PLAA: variants seen among roughly 807,000 people sequenced by gnomAD.
PLAA encodes phospholipase A-2-activating protein.
PLAA carries 48 observed loss-of-function variants against 84.1 expected under a neutral mutation model. The ratio of observed to expected loss-of-function variants is 0.57; its 90% confidence interval spans 0.45 to 0.73. The LOEUF (loss-of-function observed/expected upper bound fraction) is 0.73, where lower values mean the gene tolerates loss of function less well. Among genes scored for constraint, PLAA ranks in the 30% least tolerant of loss-of-function variants. The pLI, the probability that PLAA is intolerant of heterozygous loss-of-function variation, is 0.00. For missense variants in PLAA, 903 were observed against 954.7 expected, an observed-to-expected ratio of 0.95 and a Z score of 0.71; for synonymous variants, 392 against 336.6, an observed-to-expected ratio of 1.16 and a Z score of -1.80.
rs541403931 is a variant in PLAA at position 26,909,570 on chromosome 9, G to A, written c.1657+768C>T. On this transcript the variant is annotated intron_variant, in intron 12 of 13. Coordinates refer to ENST00000397292, the MANE Select transcript of PLAA (RefSeq NM_001031689.3). ...ACAAAACACTGTATTTTGTTTTGAG[G>A]AACACAAACAGAAAAAGCAATCAAA... Among the ~76,000 whole-genome samples the A allele has an allele frequency of 4.0e-5, 6 of 150,314 alleles. No individual in the cohort carries two copies. The South Asian group carries it at 1.3e-3, about 32-fold the overall frequency.
chr9:26,922,108 C>T (rs937008299), intron 7 of PLAA, among the ~76,000 whole-genome samples: 1 of 152,096 alleles, frequency 6.6e-6, no homozygotes, highest in South Asian at 2.1e-4. Context: ...CAAATGACTG[C>T]GCATGTTCTT....
chr9:26,930,658 C>T (rs1301204473), intron 2 of PLAA, among the ~76,000 whole-genome samples: 1 of 150,724 alleles, frequency 6.6e-6, no homozygotes, highest in Admixed American at 6.6e-5. Context: ...TCTTGGCTCA[C>T]TGCAACCTCC....
intron 1 of PLAA, 113 bp from the exon 2 acceptor site, chr9:26,935,319 A>G (rs1045425800): frequency 2.6e-4 from 152 of 578,262 alleles, no homozygotes; most frequent in Middle Eastern, 3.6e-4. Context: ...TAGAGTATAT[A>G]CTATCTTAAG....
intron 2 of PLAA, among the ~76,000 whole-genome samples, chr9:26,933,549 A>G (rs572794403): frequency 1.1e-4 from 16 of 152,020 alleles, no homozygotes; most frequent in Middle Eastern, 6.8e-3. Flanking sequence ...AGCAATATGG[A>G]AGGCCGAGGG....
chr9:26,915,470 T>C (rs1340459526), intron 10 of PLAA, among the ~76,000 whole-genome samples: 2 of 152,200 alleles, frequency 1.3e-5, no homozygotes, highest in Admixed American at 1.3e-4. Flanking sequence ...CTTTAAGTTG[T>C]AGCCAGATAG....
chr9:26,906,472 G>A lies in PLAA; in HGVS notation c.1823-396C>T, dbSNP rs563520388. 7.8e-5 allele frequency among the ~76,000 whole-genome samples: 11 copies of A among 141,346 alleles called. No homozygotes were observed. In the East Asian group the frequency reaches 2.4e-3, roughly 31 times the overall value. The allele number at this position is 141,346 out of a possible 152,430, so 92.7% of individuals were successfully genotyped here. A position where few individuals can be genotyped will look rare whatever the true frequency, so the allele number is the denominator to read the frequency against. On this transcript the variant is annotated intron_variant, in intron 13 of 13. Transcript: ENST00000397292. ...GAGACAGTTTCACTCCTGTTGCCCA[G>A]GCTGGATTGCAATGGCATGATCTCG...
chr9:26,938,008 C>T (rs901040111), intron 1 of PLAA, among the ~76,000 whole-genome samples: 2 of 152,030 alleles, frequency 1.3e-5, no homozygotes, highest in Non-Finnish European at 2.9e-5. Flanking sequence ...GGAAACATCC[C>T]AAATTTGATG....
intron 1 of PLAA, among the ~76,000 whole-genome samples, chr9:26,937,624 C>A (rs1172218313): frequency 6.6e-6 from 1 of 151,916 alleles, no homozygotes; most frequent in African/African-American, 2.4e-5. Context: ...TTTAAACATG[C>A]TCAAAGAACT....
chr9:26,914,483 G>C (rs932407014), intron 10 of PLAA, among the ~76,000 whole-genome samples: 1 of 151,900 alleles, frequency 6.6e-6, no homozygotes, highest in Non-Finnish European at 1.5e-5. Flanking sequence ...GAAGAAAAAT[G>C]AGCTACTGTT....
intron 11 of PLAA, among the ~76,000 whole-genome samples, chr9:26,912,978 C>G (rs1563906950): frequency 6.6e-6 from 1 of 152,154 alleles, no homozygotes; most frequent in Non-Finnish European, 1.5e-5. Context: ...AACCCAACTA[C>G]TCAGGAGGCT....
In PLAA at chr9:26,935,076, T is replaced by C. The variant is rs372798481; in HGVS notation, c.280A>G (p.Ile94Val). The C allele has an allele frequency of 4.6e-5, 74 of 1,610,394 alleles. No individual in the cohort carries two copies. Among genetic ancestry groups the C allele is most frequent in the South Asian group, 5.5e-5 (5 of 90,110 alleles). The change falls in exon 2 of 14, where the codon ATA (isoleucine) becomes GTA (valine). Residue 94 changes from isoleucine to valine, a missense_variant. Ile to Val is a conservative substitution (Grantham distance 29). Coordinates refer to ENST00000397292, the MANE Select transcript of PLAA (RefSeq NM_001031689.3). The part of the protein sequence containing the change: ...LIATGGNDHN[I>V]CIFSLDSPMP... Reference sequence around the variant, plus strand: ...GGACTGTCCAGTGAGAAAATGCATATATTGTGGTCATTTCCACCGGTGGCA... The same window carrying C: ...GGACTGTCCAGTGAGAAAATGCATACATTGTGGTCATTTCCACCGGTGGCA...
rs142678137 is a variant in PLAA, at chr9:26,947,000, C to G, written c.46G>C (p.Gly16Arg). The G allele has an allele frequency of 2.5e-6, 4 of 1,594,558 alleles. No homozygotes were observed. Among genetic ancestry groups the G allele is most frequent in the Non-Finnish European group, 2.6e-6 (3 of 1,171,410 alleles). The part of the protein sequence containing the change: ...TRYRLSCSLR[G>R]HELDVRGLVC... The stretch of plus-strand genomic sequence containing the variant: ...AGGCCCCGTACGTCCAGCTCGTGGC[C>G]CCGGAGCGAGCAGCTCAGCCGGTAC... Residue 16 changes from glycine (G) to arginine (R), a missense_variant, in exon 1 of 14, where the codon GGC becomes CGC. Coordinates refer to ENST00000397292, the MANE Select transcript of PLAA (RefSeq NM_001031689.3).
chr9:26,922,335 C>T (rs1264915887), intron 7 of PLAA, among the ~76,000 whole-genome samples: 1 of 151,306 alleles, frequency 6.6e-6, no homozygotes, highest in Non-Finnish European at 1.5e-5. Flanking sequence ...TAGTAACTTA[C>T]CAGAATGGTT....
chr9:26,925,717 T>C lies in PLAA; in HGVS notation c.869+108A>G, dbSNP rs1011136868. The C allele has an allele frequency of 1.8e-5, 16 of 875,756 alleles. No homozygotes were observed. In the African/African-American group the frequency reaches 1.9e-4, roughly 10 times the overall value. The allele number at this position is 875,756 out of a possible 1,614,324, so 54.2% of individuals were successfully genotyped here. The stretch of plus-strand genomic sequence containing the variant: ...TTGTTTAGTAATTGAAGTGTCCATA[T>C]AGTCTCCTCAAGTCACGTGAAATTC... On this transcript the variant is annotated intron_variant, in intron 6 of 13. Coordinates refer to ENST00000397292, the MANE Select transcript of PLAA (RefSeq NM_001031689.3).
At chr9:26,910,107 T>C (rs770340915) in intron 12 of PLAA, among the ~76,000 whole-genome samples, 10 of 152,236 alleles carry the variant, frequency 6.6e-5, no homozygotes, top group Non-Finnish European at 1.2e-4. Context: ...ATTTTTTTTA[T>C]TACAGTCATC....
chr9:26,907,593 A>AC, intron 13 of PLAA: 1 of 422,810 alleles, frequency 2.4e-6, no homozygotes, highest in African/African-American at 2.1e-5. Flanking sequence ...AACAACAACA[A>AC]AAAAACAAAC....
In PLAA at chr9:26,928,220, C is replaced by G. The variant is rs763290476; in HGVS notation, c.445G>C (p.Gly149Arg). ...ACCGCCCACACTGCAGCTGTATGAC[C>G]CTGTGAGTAAAATGAGTATCAATTT... ...LNDKCMMTLQ[G>R]HTAAVWAVKI... is the part of the protein sequence containing the mutation. The change falls in exon 4 of 14, where the codon GGT (glycine) becomes CGT (arginine). Residue 149 changes from glycine to arginine, a missense_variant and splice_region_variant. Coordinates refer to ENST00000397292, the MANE Select transcript of PLAA (RefSeq NM_001031689.3). 14 of 1,614,088 alleles carry G rather than the reference C, an allele frequency of 8.7e-6. No homozygotes were observed. Among genetic ancestry groups the G allele is most frequent in the Admixed American group, 3.3e-5 (2 of 60,018 alleles).
chr9:26,938,111 T>C (rs1825417066), intron 1 of PLAA, among the ~76,000 whole-genome samples: 1 of 152,082 alleles, frequency 6.6e-6, no homozygotes, highest in African/African-American at 2.4e-5. Context: ...TATTCAAACT[T>C]AAGAAAGGGA....
At chr9:26,915,801 T>C in intron 10 of PLAA, 2 of 985,454 alleles carry the variant, frequency 2.0e-6, no homozygotes, top group Non-Finnish European at 2.4e-6. Context: ...AGGAGTTTTC[T>C]TGATTTTGCT....
Sources: allele counts gnomAD v4.1 joint callset (sites outside exome capture counted in the v4.1 genomes callset), GRCh38; gene constraint gnomAD v4.1.1; transcripts MANE v1.5; gene names NCBI Gene and HGNC (gene_info 2026-07-23, HGNC 2026-07-21).